EPHA3: variants seen among roughly 807,000 people sequenced by gnomAD.
EPHA3 encodes the protein EPH receptor A3, also known as ephrin type-A receptor 3.
Under a neutral mutation model 107.1 loss-of-function variants are expected in EPHA3, and 42 were observed. The observed-to-expected ratio is 0.39, with a 90% confidence interval of 0.31 to 0.51. EPHA3 has a LOEUF of 0.51. Ranked by LOEUF, EPHA3 falls within the 20% of genes least tolerant of loss-of-function variation. The pLI is 0.78. For synonymous variants in EPHA3, 461 were observed against 424.8 expected (o/e 1.09, Z -1.05); for missense variants, 1,183 against 1,211.2 (o/e 0.98, Z 0.35).
intron 2 of EPHA3, among the ~76,000 whole-genome samples, chr3:89,188,572 A>G (rs1298253534): frequency 3.9e-5 from 6 of 152,180 alleles, no homozygotes; most frequent in African/African-American, 1.2e-4. Context: ...CCTAGCCAAT[A>G]TCACCATCTA....
chr3:89,152,826 G>T (rs1332952279), intron 2 of EPHA3, among the ~76,000 whole-genome samples: 3 of 152,158 alleles, frequency 2.0e-5, no homozygotes, highest in Non-Finnish European at 4.4e-5. Flanking sequence ...GGTGAGGAAA[G>T]TTTGAAAAGA....
intron 2 of EPHA3, among the ~76,000 whole-genome samples, chr3:89,184,157 C>T (rs1356719428): frequency 1.3e-5 from 2 of 151,910 alleles, no homozygotes; most frequent in Non-Finnish European, 2.9e-5. Flanking sequence ...TGATTTTCCT[C>T]CTCAACTTAT....
chr3:89,399,675 C>CT, intron 7 of EPHA3, 195 bp downstream of exon 7: 5 of 1,247,826 alleles, frequency 4.0e-6, no homozygotes, highest in Non-Finnish European at 5.0e-6. Flanking sequence ...TTTTGTGTTT[C>CT]TTTTTTTCTT....
intron 2 of EPHA3, among the ~76,000 whole-genome samples, chr3:89,196,867 G>A (rs1051568184): frequency 2.0e-5 from 3 of 151,896 alleles, no homozygotes; most frequent in South Asian, 2.1e-4. Flanking sequence ...ATAAAATCCC[G>A]TGGCTCTACC....
At chr3:89,386,637 G>C (rs1185652915) in intron 5 of EPHA3, among the ~76,000 whole-genome samples, 1 of 152,216 alleles carries the variant, frequency 6.6e-6, no homozygotes, top group Non-Finnish European at 1.5e-5. Flanking sequence ...GCACTGCCTA[G>C]TGAAGCTGTG....
intron 5 of EPHA3, 29 bp downstream of exon 5, chr3:89,342,119 TTATCA>T (rs1333126250): frequency 2.6e-6 from 4 of 1,567,946 alleles, no homozygotes; most frequent in East Asian, 2.3e-5. Context: ...CTTCTTACTC[TTATCA>T]TATCACGTCT....
At chr3:89,314,017 CAT>C (rs931010307) in intron 3 of EPHA3, among the ~76,000 whole-genome samples, 15 of 151,992 alleles carry the variant, frequency 9.9e-5, no homozygotes, top group East Asian at 1.9e-4. Context: ...TACACACACA[CAT>C]GAAGAATTAA....
chr3:89,474,417 C>T (rs1403627822), intron 16 of EPHA3, among the ~76,000 whole-genome samples: 1 of 152,128 alleles, frequency 6.6e-6, no homozygotes, highest in Non-Finnish European at 1.5e-5. Flanking sequence ...AGGATATAGT[C>T]ATGTGTTTAA....
chr3:89,146,097 A>G (rs1704552221), intron 2 of EPHA3, among the ~76,000 whole-genome samples: 1 of 151,846 alleles, frequency 6.6e-6, no homozygotes. Flanking sequence ...GAAATAGTTC[A>G]TAAGTTTTGA....
At chr3:89,279,723 A>T (rs1258194806) in intron 3 of EPHA3, among the ~76,000 whole-genome samples, 1 of 152,140 alleles carries the variant, frequency 6.6e-6, no homozygotes, top group Non-Finnish European at 1.5e-5. Context: ...CAAACATATT[A>T]TATATTTGAC....
At chr3:89,391,896 T>C (rs529634076) in intron 5 of EPHA3, among the ~76,000 whole-genome samples, 3 of 152,186 alleles carry the variant, frequency 2.0e-5, no homozygotes, top group Non-Finnish European at 4.4e-5. Flanking sequence ...TTCTCTCTCT[T>C]AAATACCAAT....
At chr3:89,263,374 A>C (rs2107284609) in intron 3 of EPHA3, among the ~76,000 whole-genome samples, 1 of 152,286 alleles carries the variant, frequency 6.6e-6, no homozygotes, top group Admixed American at 6.5e-5. Context: ...AGCAAGGGCA[A>C]AAGGCCAGTG....
At chr3:89,202,560 T>C (rs1369093249) in intron 2 of EPHA3, among the ~76,000 whole-genome samples, 1 of 142,680 alleles carries the variant, frequency 7.0e-6, no homozygotes, top group Non-Finnish European at 1.5e-5. Flanking sequence ...TATATATATA[T>C]GAAAAATTAC....
chr3:89,272,161 T>C (rs1366401799), intron 3 of EPHA3, among the ~76,000 whole-genome samples: 1 of 151,932 alleles, frequency 6.6e-6, no homozygotes, highest in East Asian at 1.9e-4. Context: ...AGTAAAGTTT[T>C]TGAAAAGTCA....
chr3:89,444,212 T>G (rs1245812281), intron 13 of EPHA3, among the ~76,000 whole-genome samples: 2 of 152,190 alleles, frequency 1.3e-5, no homozygotes, highest in Non-Finnish European at 2.9e-5. Flanking sequence ...CTATTTTTAT[T>G]TGTTGCAATT....
At chr3:89,434,818 A>G (rs1284872489) in intron 13 of EPHA3, among the ~76,000 whole-genome samples, 1 of 152,180 alleles carries the variant, frequency 6.6e-6, no homozygotes, top group African/African-American at 2.4e-5. Flanking sequence ...GATTCTTAAA[A>G]ACACACTGAA....
intron 3 of EPHA3, among the ~76,000 whole-genome samples, chr3:89,230,087 C>T (rs1295973437): frequency 6.6e-6 from 1 of 151,980 alleles, no homozygotes; most frequent in Non-Finnish European, 1.5e-5. Context: ...TAGAAATTTA[C>T]AGATCTAGGC....
chr3:89,448,800 CTTA>C (rs888448657), intron 13 of EPHA3, among the ~76,000 whole-genome samples: 2 of 152,058 alleles, frequency 1.3e-5, no homozygotes, highest in African/African-American at 4.8e-5. Flanking sequence ...CAAATACTGA[CTTA>C]TTCACATTCT....
chr3:89,382,068 A>G (rs1708519842), intron 5 of EPHA3, among the ~76,000 whole-genome samples: 1 of 152,174 alleles, frequency 6.6e-6, no homozygotes, highest in Non-Finnish European at 1.5e-5. Flanking sequence ...TAGATAGCTT[A>G]TTACCTCTCT....
Sources: allele counts gnomAD v4.1 joint callset (sites outside exome capture counted in the v4.1 genomes callset), GRCh38; gene constraint gnomAD v4.1.1; transcripts MANE v1.5; gene names NCBI Gene and HGNC (gene_info 2026-07-23, HGNC 2026-07-21).